DNAJB6: variants seen among roughly 807,000 people sequenced by gnomAD.
DNAJB6 encodes dnaJ homolog subfamily B member 6.
Under a neutral mutation model 42.7 loss-of-function variants are expected in DNAJB6, and 16 were observed. That is an observed-to-expected ratio of 0.37 (90% CI 0.25 to 0.57). The LOEUF (loss-of-function observed/expected upper bound fraction) is 0.57, where lower values mean the gene tolerates loss of function less well. DNAJB6 is among the 20% of genes least tolerant of loss of function. The pLI, the probability that DNAJB6 is intolerant of heterozygous loss-of-function variation, is 0.74. For synonymous variants in DNAJB6, 170 were observed against 163.5 expected (o/e 1.04, Z -0.30); for missense variants, 347 against 416.8 (o/e 0.83, Z 1.46).
Position 157,416,269 on chromosome 7 carries a change from G to A in DNAJB6, c.*171G>A. On this transcript the variant is annotated 3_prime_UTR_variant, in exon 10 of 10. Transcript: ENST00000262177. ...AGTCAGAGCAGGGTCAGGAGACGGG[G>A]CTGACGGCACGGGTGGCGGGGACAG... 5.7e-6 allele frequency: 6 copies of A among 1,051,152 alleles called. No individual in the cohort carries two copies. In the South Asian group the frequency reaches 6.7e-5, roughly 12 times the overall value. 65.1% of individuals were successfully genotyped at this position (1,051,152 alleles called of 1,614,324 possible).
chr7:157,367,549 G>A (rs1799904618), intron 5 of DNAJB6, 66 bp downstream of exon 5: 1 of 972,568 alleles, frequency 1.0e-6, no homozygotes, highest in African/African-American at 1.6e-5. Context: ...ACTTAGTATG[G>A]CCTTTCTGTT....
At chr7:157,362,419 G>T (rs539650282) in intron 2 of DNAJB6, among the ~76,000 whole-genome samples, 46 of 152,254 alleles carry the variant, frequency 3.0e-4, no homozygotes, top group Non-Finnish European at 5.9e-5. Flanking sequence ...TTGTTGCCCA[G>T]GCTGGAGTGC....
chr7:157,345,804 A>G (rs972746601), intron 1 of DNAJB6, among the ~76,000 whole-genome samples: 1 of 152,162 alleles, frequency 6.6e-6, no homozygotes, highest in African/African-American at 2.4e-5. Context: ...GTTTTTGCCA[A>G]GTGGGGTTCT....
chr7:157,338,550 G>A (rs543187335), intron 1 of DNAJB6, among the ~76,000 whole-genome samples: 44 of 152,268 alleles, frequency 2.9e-4, no homozygotes, highest in South Asian at 1.5e-3. Flanking sequence ...GGTCAGGCTG[G>A]TCTCGAACTT....
intron 5 of DNAJB6, among the ~76,000 whole-genome samples, chr7:157,368,109 G>A (rs900308478): frequency 2.0e-5 from 3 of 152,118 alleles, no homozygotes; most frequent in African/African-American, 7.2e-5. Flanking sequence ...GCAAGGCCCT[G>A]TCTCAAAAAA....
intron 5 of DNAJB6, among the ~76,000 whole-genome samples, chr7:157,369,703 T>C (rs549974307): frequency 2.7e-5 from 4 of 147,182 alleles, no homozygotes; most frequent in South Asian, 4.3e-4. Context: ...TTTCATAACG[T>C]TATTATTAAA....
chr7:157,344,459 G>A (rs1563107759), intron 1 of DNAJB6, among the ~76,000 whole-genome samples: 1 of 151,662 alleles, frequency 6.6e-6, no homozygotes, highest in Non-Finnish European at 1.5e-5. Context: ...GTTGCAGTGA[G>A]CTGAGATTGT....
At chr7:157,341,291 A>C (rs1798366874) in intron 1 of DNAJB6, among the ~76,000 whole-genome samples, 1 of 151,282 alleles carries the variant, frequency 6.6e-6, no homozygotes, top group South Asian at 2.1e-4. Flanking sequence ...CTCCCGACTG[A>C]TTTTTGTATT....
chr7:157,341,036 G>A (rs1303086624), intron 1 of DNAJB6, among the ~76,000 whole-genome samples: 1 of 150,830 alleles, frequency 6.6e-6, no homozygotes, highest in Non-Finnish European at 1.5e-5. Context: ...TGCCCAGGCT[G>A]GTCTCGAACT....
At chr7:157,358,494 T>C in intron 1 of DNAJB6, 53 bp from the exon 2 acceptor site, 2 of 1,200,526 alleles carry the variant, frequency 1.7e-6, no homozygotes. Flanking sequence ...CCCACCACCG[T>C]GATTTGCCCA....
At chr7:157,414,460 C>G (rs11763620) in intron 9 of DNAJB6, 1 of 152,294 alleles carries the variant, frequency 6.6e-6, no homozygotes, top group Non-Finnish European at 1.5e-5. Context: ...GCAGAGCCGC[C>G]TCCCTGCTTT....
At chr7:157,409,160 T>C (rs1795877664) in intron 8 of DNAJB6, among the ~76,000 whole-genome samples, 1 of 152,238 alleles carries the variant, frequency 6.6e-6, no homozygotes, top group East Asian at 1.9e-4. Context: ...TGCATGGCCT[T>C]CCAATGACTT....
chr7:157,377,351 G>T (rs1345021368), intron 5 of DNAJB6, among the ~76,000 whole-genome samples: 2 of 152,198 alleles, frequency 1.3e-5, no homozygotes, highest in African/African-American at 4.8e-5. Context: ...CAGTCCTCAA[G>T]AGTTAAATCC....
rs1337530455 is a variant in DNAJB6, at chr7:157,392,391, C to G, written c.691+6780C>G. Among the ~76,000 whole-genome samples, 5 of 129,496 alleles carry G rather than the reference C, an allele frequency of 3.9e-5. No homozygotes were observed. The East Asian group carries it at 1.2e-3, about 31-fold the overall frequency. 85.0% of individuals were successfully genotyped at this position (129,496 alleles called of 152,430 possible). ...TTTTTTTTTTGGTTTTTCTTTTGTT[C>G]ACGTGACTTACTGTGTGGTAGTCTT... On this transcript the variant is annotated intron_variant, in intron 8 of 9. Transcript: ENST00000262177.
chr7:157,358,351 G>A (rs1799413034), intron 1 of DNAJB6, among the ~76,000 whole-genome samples, 196 bp from the exon 2 acceptor site: 1 of 152,102 alleles, frequency 6.6e-6, no homozygotes, highest in African/African-American at 2.4e-5. Flanking sequence ...AGGGTCTTAG[G>A]GCATGAATCT....
In DNAJB6 at chr7:157,357,270, CCTTCCGT is replaced by C. The variant is rs1799342543; in HGVS notation, c.-26-1275_-26-1269del. 2.5e-3 allele frequency among the ~76,000 whole-genome samples: 133 copies of C among 53,146 alleles called. 13 individuals are homozygous for C. In the East Asian group the frequency reaches 0.03, roughly 12 times the overall value. 34.9% of individuals were successfully genotyped at this position (53,146 alleles called of 152,430 possible). A position where few individuals can be genotyped will look rare whatever the true frequency, so the allele number is the denominator to read the frequency against. ...TCCTTCCTTCCTTCCTTCCGTCCTT[CCTTCCGT>C]CCTTCCTTCCGTCCTTCCTTCCTTC... On this transcript the variant is annotated intron_variant, in intron 1 of 9. Transcript: ENST00000262177.
chr7:157,345,532 G>C (rs963006683), intron 1 of DNAJB6, among the ~76,000 whole-genome samples: 2 of 152,042 alleles, frequency 1.3e-5, no homozygotes. Context: ...GCCCAGGCTG[G>C]TCTCAAGCTC....
rs749252793 is a variant in DNAJB6, at chr7:157,367,496, C to T, written c.346+13C>T. ...TTTGACTTCTTTGGTAAGTTAATCA[C>T]GTGGGTTGACTTGGTGTGTGTCCAT... On this transcript the variant is annotated intron_variant, in intron 5 of 9. Transcript: ENST00000262177. The T allele has an allele frequency of 3.2e-5, 48 of 1,480,778 alleles. No individual in the cohort carries two copies. Among genetic ancestry groups the T allele is most frequent in the African/African-American group, 1.7e-4 (12 of 72,364 alleles). The allele number at this position is 1,480,778 out of a possible 1,614,324, so 91.7% of individuals were successfully genotyped here. A position where few individuals can be genotyped will look rare whatever the true frequency, so the allele number is the denominator to read the frequency against.
intron 8 of DNAJB6, among the ~76,000 whole-genome samples, chr7:157,405,888 C>G (rs1795751039): frequency 6.6e-6 from 1 of 152,176 alleles, no homozygotes; most frequent in African/African-American, 2.4e-5. Flanking sequence ...TTTCATTTTT[C>G]TTGCTGGAAA....
Sources: allele counts gnomAD v4.1 joint callset (sites outside exome capture counted in the v4.1 genomes callset), GRCh38; gene constraint gnomAD v4.1.1; transcripts MANE v1.5; gene names NCBI Gene and HGNC (gene_info 2026-07-23, HGNC 2026-07-21).